FBXO11: variants seen among roughly 807,000 people sequenced by gnomAD.
The protein encoded by FBXO11 is F-box protein 11.
FBXO11 carries 13 observed loss-of-function variants against 117.0 expected under a neutral mutation model. The ratio of observed to expected loss-of-function variants is 0.11; its 90% CI spans 0.07 to 0.18. The LOEUF is 0.18. Ranked by LOEUF, FBXO11 falls within the 10% of genes least tolerant of loss-of-function variation. The pLI, the probability that FBXO11 is intolerant of heterozygous loss-of-function variation, is 1.00. For missense variants in FBXO11, 767 were observed against 1,164.4 expected, an observed-to-expected ratio of 0.66 and a Z score of 4.97; for synonymous variants, 490 against 380.5, an observed-to-expected ratio of 1.29 and a Z score of -3.35.
At chr2:47,824,528 T>C (rs1671609679) in intron 11 of FBXO11, among the ~76,000 whole-genome samples, 2 of 152,124 alleles carry the variant, frequency 1.3e-5, no homozygotes, top group Non-Finnish European at 2.9e-5. Flanking sequence ...AGTCTTAAAA[T>C]AAGAGCAATT....
At chr2:47,885,207 C>A (rs762463405) in intron 1 of FBXO11, among the ~76,000 whole-genome samples, 38 of 152,082 alleles carry the variant, frequency 2.5e-4, no homozygotes, top group Non-Finnish European at 4.1e-4. Context: ...AGGAAGTGAT[C>A]GAATACTGAA....
In FBXO11 at chr2:47,900,621, CACGTATACACACACGT is replaced by C. The variant is rs1678069216; in HGVS notation, c.232+4852_232+4867del. 5.1e-4 allele frequency among the ~76,000 whole-genome samples: 22 copies of C among 43,138 alleles called. 4 individuals carry two copies. Among genetic ancestry groups the C allele is most frequent in the Admixed American group, 3.6e-3 (16 of 4,384 alleles). The allele number at this position is 43,138 out of a possible 152,430, so 28.3% of individuals were successfully genotyped here. A position where few individuals can be genotyped will look rare whatever the true frequency, so the allele number is the denominator to read the frequency against. On this transcript the variant is annotated intron_variant, in intron 1 of 22. Transcript: ENST00000403359. ...ACACACGTATACACACGTATATACA[CACGTATACACACACGT>C]ACGTATATACACACGTATACACACA... is the stretch of plus-strand genomic sequence containing the variant.
intron 1 of FBXO11, among the ~76,000 whole-genome samples, chr2:47,886,429 C>G (rs1449941768): frequency 2.0e-5 from 3 of 151,554 alleles, no homozygotes; most frequent in Admixed American, 1.3e-4. Context: ...TCGCTTGAAC[C>G]CGGGAGGTGG....
At chr2:47,892,880 C>A (rs778153934) in intron 1 of FBXO11, among the ~76,000 whole-genome samples, 2 of 151,932 alleles carry the variant, frequency 1.3e-5, no homozygotes, top group Non-Finnish European at 2.9e-5. Flanking sequence ...TCATTTACAT[C>A]AAAATGCTAT....
chr2:47,845,065 C>T (rs1401281100), intron 1 of FBXO11, among the ~76,000 whole-genome samples: 1 of 152,182 alleles, frequency 6.6e-6, no homozygotes, highest in Non-Finnish European at 1.5e-5. Context: ...CATTCTCAAA[C>T]TTTTCATCCT....
chr2:47,833,292 C>T (rs146962510), intron 7 of FBXO11, among the ~76,000 whole-genome samples: 217 of 152,128 alleles, frequency 1.4e-3, no homozygotes, highest in African/African-American at 4.7e-3. Flanking sequence ...TAAAATGCAA[C>T]GGCATATTAA....
At chr2:47,819,614 T>C (rs887918820) in intron 14 of FBXO11, among the ~76,000 whole-genome samples, 9 of 152,232 alleles carry the variant, frequency 5.9e-5, no homozygotes, top group African/African-American at 1.4e-4. Flanking sequence ...GTAATAGTAG[T>C]AGTAGCATTC....
intron 1 of FBXO11, among the ~76,000 whole-genome samples, chr2:47,892,570 G>C (rs1677334642): frequency 6.6e-6 from 1 of 152,202 alleles, no homozygotes; most frequent in Admixed American, 6.5e-5. Context: ...CTGCAATGCA[G>C]AATCAGAAAG....
intron 1 of FBXO11, among the ~76,000 whole-genome samples, chr2:47,895,093 A>C (rs895292938): frequency 1.2e-4 from 19 of 152,334 alleles, no homozygotes; most frequent in African/African-American, 4.3e-4. Context: ...TTTGTCTTTG[A>C]GAAAATATCA....
At chr2:47,848,303 G>A (rs1369127077) in intron 1 of FBXO11, among the ~76,000 whole-genome samples, 1 of 152,202 alleles carries the variant, frequency 6.6e-6, no homozygotes, top group African/African-American at 2.4e-5. Flanking sequence ...TCCGCCTCCT[G>A]TCAGATCAGC....
chr2:47,850,230 C>T (rs1400357913), intron 1 of FBXO11, among the ~76,000 whole-genome samples: 1 of 152,038 alleles, frequency 6.6e-6, no homozygotes, highest in Non-Finnish European at 1.5e-5. Context: ...ATGGTGGTGC[C>T]ATGTACTAAG....
chr2:47,850,706 A>G (rs1199240318), intron 1 of FBXO11, among the ~76,000 whole-genome samples: 1 of 152,220 alleles, frequency 6.6e-6, no homozygotes, highest in East Asian at 1.9e-4. Flanking sequence ...TGATTAAAAG[A>G]AAATCTCCAA....
intron 11 of FBXO11, among the ~76,000 whole-genome samples, chr2:47,825,208 T>C (rs1232875805): frequency 6.6e-6 from 1 of 152,214 alleles, no homozygotes; most frequent in Non-Finnish European, 1.5e-5. Flanking sequence ...AAAGTAGTTT[T>C]CAGACTTCAT....
chr2:47,813,422 TTAA>T (rs1375969944), intron 17 of FBXO11, 45 bp from the exon 18 acceptor site: 20 of 1,056,860 alleles, frequency 1.9e-5, no homozygotes, highest in Middle Eastern at 3.3e-4. Context: ...ATATTTCTTT[TTAA>T]TTTTTTTTTT....
At chr2:47,839,261 G>T (rs527744622) in intron 3 of FBXO11, among the ~76,000 whole-genome samples, 158 bp downstream of exon 3, 1 of 152,238 alleles carries the variant, frequency 6.6e-6, no homozygotes, top group South Asian at 2.1e-4. Flanking sequence ...AACAATAAAA[G>T]TCAGAGGGAG....
At chr2:47,851,534 T>A (rs1384888670) in intron 1 of FBXO11, among the ~76,000 whole-genome samples, 5 of 152,082 alleles carry the variant, frequency 3.3e-5, no homozygotes, top group Admixed American at 3.3e-4. Flanking sequence ...GCCTATTAAT[T>A]TTCATCTGTT....
chr2:47,847,624 G>A (rs1270152785), intron 1 of FBXO11, among the ~76,000 whole-genome samples: 5 of 151,668 alleles, frequency 3.3e-5, no homozygotes, highest in East Asian at 2.0e-4. Flanking sequence ...CAGGAGAACC[G>A]CTTGAACCCA....
At chr2:47,832,025 G>A (rs1198651922) in intron 11 of FBXO11, among the ~76,000 whole-genome samples, 2 of 152,076 alleles carry the variant, frequency 1.3e-5, no homozygotes, top group Admixed American at 6.6e-5. Flanking sequence ...TAAACTGGAG[G>A]ATACAGGAAT....
chr2:47,900,644 ATACACACGTATACACACACG>A (rs1678086816), intron 1 of FBXO11, among the ~76,000 whole-genome samples: 2 of 93,936 alleles, frequency 2.1e-5, no homozygotes, highest in African/African-American at 6.2e-5. Flanking sequence ...ACGTACGTAT[ATACACACGTATACACACACG>A]TACGTATATA....
Sources: allele counts gnomAD v4.1 joint callset (sites outside exome capture counted in the v4.1 genomes callset), GRCh38; gene constraint gnomAD v4.1.1; transcripts MANE v1.5; gene names NCBI Gene and HGNC (gene_info 2026-07-23, HGNC 2026-07-21).